The following EPHA5 variants were observed in gnomAD, a reference collection of about 807,000 sequenced individuals.
The protein encoded by EPHA5 is ephrin type-A receptor 5.
A neutral mutation model predicts 105.0 loss-of-function variants in EPHA5; 60 were observed. That is an observed-to-expected ratio of 0.57 (90% CI 0.46 to 0.71). The LOEUF (loss-of-function observed/expected upper bound fraction) is 0.71, where lower values mean the gene tolerates loss of function less well. EPHA5 is among the 30% of genes least tolerant of loss of function. The pLI is 0.00. For missense variants in EPHA5, 1,218 were observed against 1,274.7 expected (o/e 0.96, Z 0.68); for synonymous variants, 513 against 449.1 (o/e 1.14, Z -1.80).
chr4:65,601,835 T>G lies in EPHA5; in HGVS notation c.716A>C (p.His239Pro), dbSNP rs2149438327. 1 of 1,614,150 alleles carries G rather than the reference T, an allele frequency of 6.2e-7. No homozygotes were observed. Among genetic ancestry groups the G allele is most frequent in the Non-Finnish European group, 8.5e-7 (1 of 1,180,014 alleles). ...YYKKCPSVVR[H>P]LAVFPDTITG... ...GATGGTGTCAGGGAAGACAGCCAAG[T>G]GTCGTACCACAGAAGGGCATTTTTT... Residue 239 changes from histidine (H) to proline (P), a missense_variant, in exon 3 of 17, where the codon CAC (histidine) becomes CCC (proline). This residue lies in a region of EPHA5 where 971 missense variants were observed against 1,013.5 expected (regional missense o/e 0.96). Coordinates refer to ENST00000613740, the MANE Select transcript of EPHA5 (RefSeq NM_001281766.3).
At chr4:65,350,014 T>G (rs1417685485) in intron 13 of EPHA5, among the ~76,000 whole-genome samples, 1 of 152,090 alleles carries the variant, frequency 6.6e-6, no homozygotes, top group Non-Finnish European at 1.5e-5. Context: ...CTTGAAGGTT[T>G]CAGGTTCTCT....
chr4:65,465,793 C>A (rs189137234), intron 5 of EPHA5, among the ~76,000 whole-genome samples: 34 of 152,234 alleles, frequency 2.2e-4, no homozygotes, highest in Middle Eastern at 6.8e-3. Context: ...CAAAATATAA[C>A]CTGGAATTTC....
At chr4:65,633,151 G>A (rs967945138) in intron 2 of EPHA5, among the ~76,000 whole-genome samples, 5 of 151,924 alleles carry the variant, frequency 3.3e-5, no homozygotes, top group African/African-American at 9.7e-5. Context: ...AATAGCAAAA[G>A]CCTCAAAAAA....
chr4:65,578,629 C>G (rs562687974), intron 3 of EPHA5, among the ~76,000 whole-genome samples: 6 of 152,088 alleles, frequency 3.9e-5, no homozygotes, highest in Non-Finnish European at 7.4e-5. Flanking sequence ...TAAAAAGAAA[C>G]CTTTAATTTT....
At chr4:65,495,181 A>G (rs1239145149) in intron 4 of EPHA5, among the ~76,000 whole-genome samples, 1 of 152,190 alleles carries the variant, frequency 6.6e-6, no homozygotes, top group Non-Finnish European at 1.5e-5. Flanking sequence ...GGGAAAATGG[A>G]TACTTCTAAC....
intron 9 of EPHA5, 27 bp from the exon 10 acceptor site, chr4:65,366,084 A>G: frequency 6.3e-7 from 1 of 1,575,996 alleles, no homozygotes. Flanking sequence ...GCATTAAAAC[A>G]GAAGTAGTTG....
intron 3 of EPHA5, among the ~76,000 whole-genome samples, chr4:65,584,567 G>A (rs1316109743): frequency 6.6e-6 from 1 of 151,700 alleles, no homozygotes; most frequent in Non-Finnish European, 1.5e-5. Flanking sequence ...CAGCAAACAA[G>A]AGGAACCAGT....
chr4:65,371,717 A>T (rs1291035220), intron 8 of EPHA5, among the ~76,000 whole-genome samples: 1 of 152,042 alleles, frequency 6.6e-6, no homozygotes, highest in African/African-American at 2.4e-5. Flanking sequence ...AGAATAGCCA[A>T]AACAGAGTGT....
intron 8 of EPHA5, among the ~76,000 whole-genome samples, chr4:65,400,950 A>G (rs1721753304): frequency 6.6e-6 from 1 of 152,064 alleles, no homozygotes; most frequent in Non-Finnish European, 1.5e-5. Flanking sequence ...TATGTTACCT[A>G]GGAGCAAATA....
At chr4:65,665,288 A>G (rs1011542076) in intron 1 of EPHA5, among the ~76,000 whole-genome samples, 1 of 152,042 alleles carries the variant, frequency 6.6e-6, no homozygotes, top group Non-Finnish European at 1.5e-5. Context: ...AGCACTCCAG[A>G]CAAAGGAGAT....
chr4:65,610,286 T>C (rs1332568455), intron 2 of EPHA5, among the ~76,000 whole-genome samples: 1 of 151,782 alleles, frequency 6.6e-6, no homozygotes, highest in Non-Finnish European at 1.5e-5. Context: ...GAAACGGAAA[T>C]CCAAATACTG....
chr4:65,616,425 G>GCA (rs1377903057), intron 2 of EPHA5, among the ~76,000 whole-genome samples: 1 of 117,266 alleles, frequency 8.5e-6, no homozygotes, highest in African/African-American at 3.2e-5. Flanking sequence ...CAGACTTAAT[G>GCA]CATACACACA....
At chr4:65,348,715 G>GCA (rs1722493118) in intron 13 of EPHA5, among the ~76,000 whole-genome samples, 1 of 115,574 alleles carries the variant, frequency 8.7e-6, no homozygotes, top group Non-Finnish European at 1.8e-5. Flanking sequence ...ATATGTGTGT[G>GCA]TATATATATG....
chr4:65,565,262 C>A (rs2149363915), intron 3 of EPHA5, among the ~76,000 whole-genome samples: 1 of 151,754 alleles, frequency 6.6e-6, no homozygotes, highest in Non-Finnish European at 1.5e-5. Context: ...CTTTAGCAGA[C>A]TAAATTTTAT....
chr4:65,404,794 C>T (rs1722200533), intron 7 of EPHA5, among the ~76,000 whole-genome samples: 1 of 152,038 alleles, frequency 6.6e-6, no homozygotes, highest in Non-Finnish European at 1.5e-5. Context: ...AAATGGAACT[C>T]CTTTATTGAC....
intron 3 of EPHA5, among the ~76,000 whole-genome samples, chr4:65,548,071 G>A (rs577469789): frequency 6.6e-6 from 1 of 150,676 alleles, no homozygotes; most frequent in East Asian, 2.0e-4. Flanking sequence ...CCATAAAATA[G>A]GACAATATGA....
At chr4:65,528,180 CA>C (rs34237503) in intron 3 of EPHA5, among the ~76,000 whole-genome samples, 23,957 of 151,850 alleles carry the variant, frequency 0.16, 2,048 homozygotes, top group South Asian at 0.2. Flanking sequence ...TAGATGTTTG[CA>C]AAATATAATT....
At chr4:65,569,078 T>A (rs1739852846) in intron 3 of EPHA5, among the ~76,000 whole-genome samples, 1 of 151,442 alleles carries the variant, frequency 6.6e-6, no homozygotes, top group Admixed American at 6.6e-5. Flanking sequence ...AACATGCCAT[T>A]GCAAAAAATT....
chr4:65,446,119 T>A lies in EPHA5; in HGVS notation c.1403-25554A>T, dbSNP rs576211023. ...TCAATTATCTGCTTCACCCTCATGA[T>A]ATTTTTAATATAATAACAAATGTTT... On this transcript the variant is annotated intron_variant, in intron 5 of 16. Transcript: ENST00000613740. 5.9e-5 allele frequency among the ~76,000 whole-genome samples: 9 copies of A among 152,316 alleles called. No homozygotes were observed. In the South Asian group the frequency reaches 1.9e-3, roughly 32 times the overall value.
Sources: gnomAD v4.1 joint callset for allele counts (sites outside exome capture counted in the v4.1 genomes callset) on GRCh38, gnomAD v4.1.1 for gene constraint, gnomAD v4.1.1 regional missense constraint, MANE v1.5 for transcripts, NCBI Gene and HGNC (gene_info 2026-07-23, HGNC 2026-07-21) for gene names.